Variants in PCDHGB3 observed in about 807,000 individuals in gnomAD.
The protein encoded by PCDHGB3 is protocadherin gamma-B3.
Under a neutral mutation model 59.2 loss-of-function variants are expected in PCDHGB3, and 40 were observed. The observed-to-expected ratio is 0.68, with a 90% confidence interval of 0.52 to 0.88. PCDHGB3 has a LOEUF of 0.88. Ranked by LOEUF, PCDHGB3 falls within the 40% of genes least tolerant of loss-of-function variation. PCDHGB3 has a pLI of 0.00. For missense variants in PCDHGB3, 1,309 were observed against 1,187.9 expected, an observed-to-expected ratio of 1.10 and a Z score of -1.50; for synonymous variants, 581 against 503.6, an observed-to-expected ratio of 1.15 and a Z score of -2.06.
chr5:141,492,077 C>G (rs917149790), intron 1 of PCDHGB3: 1 of 483,342 alleles, frequency 2.1e-6, no homozygotes, highest in African/African-American at 2.0e-5. Context: ...GGCGCCGGCT[C>G]CGGCACGCTT....
At chr5:141,414,812 T>C (rs1389980970) in intron 1 of PCDHGB3, 1 of 1,614,172 alleles carries the variant, frequency 6.2e-7, no homozygotes, top group South Asian at 1.1e-5. Flanking sequence ...GATCCTCCAC[T>C]CAGCAGCAAC....
chr5:141,459,557 A>G (rs1052669136), intron 1 of PCDHGB3, among the ~76,000 whole-genome samples: 1 of 152,224 alleles, frequency 6.6e-6, no homozygotes, highest in East Asian at 1.9e-4. Context: ...TCTTGGATAA[A>G]TACCCCAAAA....
At chr5:141,457,550 A>G (rs1331411755) in intron 1 of PCDHGB3, among the ~76,000 whole-genome samples, 1 of 152,230 alleles carries the variant, frequency 6.6e-6, no homozygotes, top group Non-Finnish European at 1.5e-5. Flanking sequence ...CAAATGTATG[A>G]TAAGCTTTGG....
chr5:141,506,506 C>T (rs1279198463), intron 3 of PCDHGB3, among the ~76,000 whole-genome samples: 2 of 151,030 alleles, frequency 1.3e-5, no homozygotes. Context: ...GATTCAAATC[C>T]TGGCACCTGG....
chr5:141,466,819 C>A (rs2099130454), intron 1 of PCDHGB3, among the ~76,000 whole-genome samples: 1 of 152,068 alleles, frequency 6.6e-6, no homozygotes, highest in Non-Finnish European at 1.5e-5. Context: ...CATGGTATAA[C>A]AAGTTAGTAT....
Position 141,432,075 on chromosome 5 carries a change from C to T in PCDHGB3, c.2415+59266C>T. On this transcript the variant is annotated intron_variant, in intron 1 of 3. Transcript: ENST00000576222. The surrounding 1 kb of genome is among the most constrained non-coding windows in gnomAD (Gnocchi z 6.0). ...CCCCTATCCACGGAAACTCATATCT[C>T]GCTGAACGTGGCAGACACCAACGAC... 3 of 1,614,204 alleles carry T rather than the reference C, an allele frequency of 1.9e-6. No homozygotes were observed. Among genetic ancestry groups the T allele is most frequent in the Non-Finnish European group, 2.5e-6 (3 of 1,180,046 alleles).
intron 2 of PCDHGB3, among the ~76,000 whole-genome samples, chr5:141,505,007 C>T (rs1210694913): frequency 6.6e-6 from 1 of 152,050 alleles, no homozygotes; most frequent in Non-Finnish European, 1.5e-5. Flanking sequence ...ACTAAAAATA[C>T]AAAAATTAGC....
intron 1 of PCDHGB3, chr5:141,404,648 G>A (rs1178706213): frequency 6.2e-7 from 1 of 1,614,030 alleles, no homozygotes; most frequent in Non-Finnish European, 8.5e-7. Context: ...CCTGTACCCT[G>A]CCCTCCCCAC....
At chr5:141,478,804 G>C (rs765938054) in intron 1 of PCDHGB3, 48 of 1,462,396 alleles carry the variant, frequency 3.3e-5, no homozygotes, top group Non-Finnish European at 4.1e-5. Context: ...GCACTCTTTT[G>C]CTATCACAAC....
At position 141,422,501 on chromosome 5, in the gene PCDHGB3, C is replaced by T. The variant is rs1343881573; in HGVS notation, c.2415+49692C>T. On this transcript the variant is annotated intron_variant, in intron 1 of 3. Coordinates refer to ENST00000576222, the MANE Select transcript of PCDHGB3 (RefSeq NM_018924.5). ...CAGAGCTACAATATAACGTTGACAGCCACAGACCAGGGAAGCCCGCCTTTG... is the reference window on the plus strand; with the variant it reads ...CAGAGCTACAATATAACGTTGACAGTCACAGACCAGGGAAGCCCGCCTTTG... 9.3e-6 allele frequency: 15 copies of T among 1,613,810 alleles called. No individual in the cohort carries two copies. The highest frequency in any genetic ancestry group is 1.3e-5 in the Non-Finnish European group (15 of 1,179,872).
In PCDHGB3 at chr5:141,489,423, C is replaced by A. The variant is rs754178145; in HGVS notation, c.2416-5384C>A. 7.4e-6 allele frequency: 12 copies of A among 1,613,982 alleles called. No homozygotes were observed. Among genetic ancestry groups the A allele is most frequent in the Non-Finnish European group, 1.0e-5 (12 of 1,180,044 alleles). On this transcript the variant is annotated intron_variant, in intron 1 of 3. Transcript: ENST00000576222. The surrounding 1 kb of genome is among the most constrained non-coding windows in gnomAD (Gnocchi z 4.5). Reference sequence around the variant, plus strand: ...GCTTAAAGATGACAGATCTGTTGAGCCGGCGGCTGCAATTGGGCTCTGAGG... The same window carrying A: ...GCTTAAAGATGACAGATCTGTTGAGACGGCGGCTGCAATTGGGCTCTGAGG...
In PCDHGB3 at chr5:141,476,299, C is replaced by T; in HGVS notation, c.2416-18508C>T. ...ACCTTGGTTTGGATCTCGGTAGCCT[C>T]TCAGCCCGCAGGTTCCGGGTGGTGT... On this transcript the variant is annotated intron_variant, in intron 1 of 3. Transcript: ENST00000576222. The surrounding 1 kb of genome is among the most constrained non-coding windows in gnomAD (Gnocchi z 7.6). The T allele has an allele frequency of 6.2e-7, 1 of 1,614,100 alleles. No individual in the cohort carries two copies. The highest frequency in any genetic ancestry group is 1.1e-5 in the South Asian group (1 of 91,074).
At chr5:141,398,633 A>C (rs749131705) in intron 1 of PCDHGB3, 4 of 1,613,946 alleles carry the variant, frequency 2.5e-6, no homozygotes, top group Non-Finnish European at 3.4e-6. Flanking sequence ...TCTCTGCAGA[A>C]GTATAAACTC....
intron 1 of PCDHGB3, chr5:141,427,456 G>C (rs1172525843): frequency 2.0e-6 from 1 of 492,524 alleles, no homozygotes; most frequent in African/African-American, 1.9e-5. Flanking sequence ...GTTCCTTTTA[G>C]AATCGAATCT....
chr5:141,419,007 GGT>G (rs1181124538), intron 1 of PCDHGB3: 1 of 1,613,978 alleles, frequency 6.2e-7, no homozygotes, highest in South Asian at 1.1e-5. Flanking sequence ...GGGGAAGTCA[GGT>G]GTAGCTTAAG....
At chr5:141,484,891 C>T in intron 1 of PCDHGB3, 1 of 361,788 alleles carries the variant, frequency 2.8e-6, no homozygotes, top group Non-Finnish European at 5.0e-6. Context: ...GGGCTTTTTC[C>T]CCTCCAATGC....
In PCDHGB3 at chr5:141,432,785, G is replaced by A. The variant is rs1356593437; in HGVS notation, c.2415+59976G>A. 2.5e-6 allele frequency: 4 copies of A among 1,613,992 alleles called. No individual in the cohort carries two copies. The African/African-American group carries it at 4.0e-5, about 16-fold the overall frequency. On this transcript the variant is annotated intron_variant, in intron 1 of 3. Transcript: ENST00000576222. The surrounding 1 kb of genome is among the most constrained non-coding windows in gnomAD (Gnocchi z 6.0). ...CATCCCCCAAGTCCTGGCGGACCTC[G>A]GCAGCCTCGAGTCTCCAGCTAACTC...
chr5:141,394,395 C>G (rs1238779909), intron 1 of PCDHGB3: 2 of 1,614,146 alleles, frequency 1.2e-6, no homozygotes, highest in Non-Finnish European at 1.7e-6. Context: ...GATCCGAGAC[C>G]TGCAGCTACT....
At position 141,491,117 on chromosome 5, in the gene PCDHGB3, G is replaced by A; in HGVS notation, c.2416-3690G>A. ...CTGTTCCTCGTGTCTACACACACTGGTGAGGTGCGCACAGCCCGGGCCTTA... is the reference window on the plus strand; with the variant it reads ...CTGTTCCTCGTGTCTACACACACTGATGAGGTGCGCACAGCCCGGGCCTTA... On this transcript the variant is annotated intron_variant, in intron 1 of 3. Coordinates refer to ENST00000576222, the MANE Select transcript of PCDHGB3 (RefSeq NM_018924.5). The surrounding 1 kb of genome is among the most constrained non-coding windows in gnomAD (Gnocchi z 6.9). 1 of 1,614,196 alleles carries A rather than the reference G, an allele frequency of 6.2e-7. No homozygotes were observed.
Sources: allele counts gnomAD v4.1 joint callset (sites outside exome capture counted in the v4.1 genomes callset), GRCh38; gene constraint gnomAD v4.1.1; non-coding constraint Gnocchi (gnomAD v3.1); transcripts MANE v1.5; gene names NCBI Gene and HGNC (gene_info 2026-07-23, HGNC 2026-07-21).